Variants in PCSK5 observed in about 807,000 individuals in gnomAD.
PCSK5 encodes proprotein convertase subtilisin/kexin type 5, also known as prohormone convertase 5.
A neutral mutation model predicts 233.2 loss-of-function variants in PCSK5; 129 were observed. The ratio of observed to expected loss-of-function variants is 0.55; its 90% CI spans 0.48 to 0.64. PCSK5 has a LOEUF of 0.64. PCSK5 is among the 30% of genes least tolerant of loss of function. The pLI is 0.00. For missense variants in PCSK5, 2,076 were observed against 2,430.1 expected (o/e 0.85, Z 3.06); for synonymous variants, 825 against 879.2 (o/e 0.94, Z 1.09).
chr9:76,031,933 T>G (rs1454810592), intron 5 of PCSK5, among the ~76,000 whole-genome samples: 1 of 152,112 alleles, frequency 6.6e-6, no homozygotes, highest in Non-Finnish European at 1.5e-5. Context: ...GAAGTTGAGA[T>G]AGGTTTGTCT....
chr9:76,019,193 G>A lies in PCSK5; in HGVS notation c.412-4545G>A, dbSNP rs561535197. ...GATGGTAATCCAGATAAAGTGATTA[G>A]TAAAATGCTTGGCCATGTAAGGACC... is the stretch of plus-strand genomic sequence containing the variant. On this transcript the variant is annotated intron_variant, in intron 3 of 37. Coordinates refer to ENST00000674117, the MANE Select transcript of PCSK5 (RefSeq NM_001372043.1). Among the ~76,000 whole-genome samples, 51 of 152,132 alleles carry A rather than the reference G, an allele frequency of 3.4e-4. No individual in the cohort carries two copies. In the South Asian group the frequency reaches 0.011, roughly 32 times the overall value.
intron 9 of PCSK5, among the ~76,000 whole-genome samples, chr9:76,124,219 C>T (rs1164401079): frequency 1.3e-5 from 2 of 152,046 alleles, no homozygotes; most frequent in African/African-American, 2.4e-5. Context: ...CCTTTCTAAG[C>T]CTTAGTTTCC....
intron 9 of PCSK5, among the ~76,000 whole-genome samples, chr9:76,116,494 C>G (rs1440025474): frequency 6.6e-6 from 1 of 152,108 alleles, no homozygotes; most frequent in Non-Finnish European, 1.5e-5. Flanking sequence ...TGTAGTACAT[C>G]AGACAGTGAC....
chr9:76,083,798 T>TA (rs2131625642), intron 7 of PCSK5, among the ~76,000 whole-genome samples: 1 of 152,314 alleles, frequency 6.6e-6, no homozygotes, highest in South Asian at 2.1e-4. Context: ...ATTAAAGACA[T>TA]ACATTCACCA....
At chr9:76,076,201 C>T (rs1158726247) in intron 7 of PCSK5, among the ~76,000 whole-genome samples, 1 of 151,940 alleles carries the variant, frequency 6.6e-6, no homozygotes, top group African/African-American at 2.4e-5. Context: ...ATTTCCAGAA[C>T]ACAATACTAA....
chr9:76,185,831 T>C (rs1299610514), intron 17 of PCSK5, among the ~76,000 whole-genome samples: 4 of 152,234 alleles, frequency 2.6e-5, no homozygotes. Flanking sequence ...AAAATGATGA[T>C]AATAATAATC....
At chr9:76,253,338 GA>G (rs1305543748) in intron 24 of PCSK5, among the ~76,000 whole-genome samples, 1 of 151,722 alleles carries the variant, frequency 6.6e-6, no homozygotes, top group Non-Finnish European at 1.5e-5. Context: ...GAAGATAAGA[GA>G]AACAAGCTCC....
intron 24 of PCSK5, among the ~76,000 whole-genome samples, chr9:76,291,812 T>C (rs1828286130): frequency 6.6e-6 from 1 of 152,212 alleles, no homozygotes; most frequent in Non-Finnish European, 1.5e-5. Context: ...TCACTTCCAT[T>C]GGCAAGATTC....
chr9:76,221,687 G>A (rs774027336), intron 20 of PCSK5, among the ~76,000 whole-genome samples: 16 of 152,128 alleles, frequency 1.1e-4, no homozygotes, highest in Admixed American at 5.2e-4. Flanking sequence ...GCCAAACGAC[G>A]GTGGAAACTA....
intron 10 of PCSK5, among the ~76,000 whole-genome samples, chr9:76,153,243 A>G (rs1432138177): frequency 6.6e-6 from 1 of 152,194 alleles, no homozygotes; most frequent in Non-Finnish European, 1.5e-5. Flanking sequence ...TACTTTCTGA[A>G]ATGTACTCCA....
At chr9:76,041,316 A>G (rs1829107527) in intron 5 of PCSK5, among the ~76,000 whole-genome samples, 1 of 152,198 alleles carries the variant, frequency 6.6e-6, no homozygotes, top group Non-Finnish European at 1.5e-5. Context: ...TGAGTCTTGG[A>G]AAATGACTGA....
chr9:76,118,071 A>G (rs1314049665), intron 9 of PCSK5, among the ~76,000 whole-genome samples: 1 of 152,126 alleles, frequency 6.6e-6, no homozygotes, highest in Non-Finnish European at 1.5e-5. Flanking sequence ...CTCATTTTCC[A>G]TAGCAGATGT....
chr9:76,205,060 C>T (rs1329130223), intron 20 of PCSK5: 1 of 514,984 alleles, frequency 1.9e-6, no homozygotes, highest in Non-Finnish European at 3.9e-6. Flanking sequence ...CTACCAAAAG[C>T]TGAAAAATTG....
chr9:76,242,900 A>AAAG (rs1414839923), intron 24 of PCSK5, among the ~76,000 whole-genome samples: 1 of 152,200 alleles, frequency 6.6e-6, no homozygotes, highest in South Asian at 2.1e-4. Context: ...CACATAGAGA[A>AAAG]AAGAAGATCT....
intron 30 of PCSK5, among the ~76,000 whole-genome samples, chr9:76,314,794 A>G (rs1828974604): frequency 6.7e-6 from 1 of 149,220 alleles, no homozygotes; most frequent in South Asian, 2.1e-4. Context: ...ATGCCACCAC[A>G]CCTGGCTTAT....
At chr9:75,897,073 G>A (rs527437009) in intron 1 of PCSK5, among the ~76,000 whole-genome samples, 10 of 152,248 alleles carry the variant, frequency 6.6e-5, no homozygotes, top group African/African-American at 2.4e-4. Context: ...CAGATAGGGA[G>A]CCATAATACC....
chr9:75,957,323 T>C (rs980878815), intron 2 of PCSK5, among the ~76,000 whole-genome samples: 1 of 152,180 alleles, frequency 6.6e-6, no homozygotes, highest in Non-Finnish European at 1.5e-5. Flanking sequence ...CTAGCGTGCC[T>C]TAGTTTCTCC....
intron 9 of PCSK5, 80 bp downstream of exon 9, chr9:76,107,431 C>A: frequency 6.7e-6 from 5 of 748,252 alleles, no homozygotes; most frequent in Non-Finnish European, 1.1e-5. Context: ...TTGTATAGGA[C>A]CCCTAGCATG....
chr9:76,076,009 G>A (rs1334173006), intron 7 of PCSK5, among the ~76,000 whole-genome samples: 1 of 152,120 alleles, frequency 6.6e-6, no homozygotes, highest in East Asian at 1.9e-4. Flanking sequence ...ATGAATAAAA[G>A]TAAAGTGATT....
Sources: allele counts gnomAD v4.1 joint callset (sites outside exome capture counted in the v4.1 genomes callset), GRCh38; gene constraint gnomAD v4.1.1; transcripts MANE v1.5; gene names NCBI Gene and HGNC (gene_info 2026-07-23, HGNC 2026-07-21).